The following FRK variants were observed in gnomAD, a reference collection of about 807,000 sequenced individuals.
FRK encodes the protein fyn related Src family tyrosine kinase.
Under a neutral mutation model 56.4 loss-of-function variants are expected in FRK, and 51 were observed. That is an observed-to-expected ratio of 0.90 (90% confidence interval 0.72 to 1.14). The LOEUF (loss-of-function observed/expected upper bound fraction) is 1.14, where lower values mean the gene tolerates loss of function less well. Among genes scored for constraint, FRK ranks in the 50% most tolerant of loss-of-function variants. FRK has a pLI of 0.00. For missense variants in FRK, 570 were observed against 601.4 expected, an observed-to-expected ratio of 0.95 and a Z score of 0.55; for synonymous variants, 245 against 217.9, an observed-to-expected ratio of 1.12 and a Z score of -1.10.
At chr6:116,053,691 C>G (rs112614384) in intron 1 of FRK, among the ~76,000 whole-genome samples, 1 of 152,094 alleles carries the variant, frequency 6.6e-6, no homozygotes, top group Non-Finnish European at 1.5e-5. Context: ...ATTTCACTCA[C>G]ATAAGATTTT....
chr6:116,019,370 G>A (rs1428345698), intron 1 of FRK, among the ~76,000 whole-genome samples: 3 of 152,102 alleles, frequency 2.0e-5, no homozygotes, highest in Admixed American at 1.3e-4. Flanking sequence ...ATTTCAAAAC[G>A]TAGGACAAGA....
intron 1 of FRK, among the ~76,000 whole-genome samples, chr6:116,033,792 T>G (rs1202568268): frequency 6.6e-6 from 1 of 152,132 alleles, no homozygotes; most frequent in Non-Finnish European, 1.5e-5. Flanking sequence ...GGGGTCACTC[T>G]GCCTGCTGGG....
rs137855130 is a variant in FRK at position 115,999,417 on chromosome 6, A to G, written c.466+4460T>C. ...CTCTTTTCAGATCTACTCAGACCTC[A>G]CAAGAGCAGACAGCCGTGCAGGGAT... is the stretch of plus-strand genomic sequence containing the variant. On this transcript the variant is annotated intron_variant, in intron 2 of 7. Transcript: ENST00000606080. Among the ~76,000 whole-genome samples the G allele has an allele frequency of 4.2e-4, 64 of 152,284 alleles. No individual in the cohort carries two copies. In the East Asian group the frequency reaches 0.011, roughly 27 times the overall value.
chr6:115,940,400 A>G lies in FRK; in HGVS notation c.*2014T>C, dbSNP rs1772134718. On this transcript the variant is annotated 3_prime_UTR_variant, in exon 8 of 8. Transcript: ENST00000606080. ...CCTAGAAGAAAACCTAGGCAACACCATTCAGGACATAGGCATTGGAAAAGA... is the reference window on the plus strand; with the variant it reads ...CCTAGAAGAAAACCTAGGCAACACCGTTCAGGACATAGGCATTGGAAAAGA... 1 of 152,252 alleles carries G rather than the reference A, an allele frequency of 6.6e-6. No individual in the cohort carries two copies. The highest frequency in any genetic ancestry group is 1.5e-5 in the Non-Finnish European group (1 of 68,044). 9.4% of individuals were successfully genotyped at this position (152,252 alleles called of 1,614,324 possible).
Position 115,941,447 on chromosome 6 carries a change from C to T in FRK, c.*967G>A, listed in dbSNP as rs924319730. On this transcript the variant is annotated 3_prime_UTR_variant, in exon 8 of 8. Coordinates refer to ENST00000606080, the MANE Select transcript of FRK (RefSeq NM_002031.3). ...CCATGGCACTTGTACACCTATGTAA[C>T]AAAACTGCACATTCTGCACATGCAC... The T allele has an allele frequency of 6.6e-5, 10 of 152,150 alleles. No individual in the cohort carries two copies. The highest frequency in any genetic ancestry group is 2.2e-4 in the African/African-American group (9 of 41,498). 9.4% of individuals were successfully genotyped at this position (152,150 alleles called of 1,614,324 possible).
In FRK at chr6:115,968,664, CT is replaced by C. The variant is rs771323653; in HGVS notation, c.541del (p.Arg181GlufsTer6). Reference protein sequence around the residue: ...DEGGFFLTRRRIFSTLNEFVS... With the variant: ...DEGGFFLTRRXIFSTLNEFVS... ...AAATTCGTTCAGTGTTGAAAAGATT[CT>C]TCTTCGCGTGAGAAAAAATCCCCCT... On this transcript the variant is annotated frameshift_variant, in exon 3 of 8. Transcript: ENST00000606080. LOFTEE classifies it high-confidence loss of function. 10 of 1,613,682 alleles carry C rather than the reference CT, an allele frequency of 6.2e-6. No individual in the cohort carries two copies. The highest frequency in any genetic ancestry group is 8.5e-6 in the Non-Finnish European group (10 of 1,179,828).
chr6:116,074,495 G>C, the FRK span, among the ~76,000 whole-genome samples: 1 of 151,918 alleles, frequency 6.6e-6, no homozygotes, highest in South Asian at 2.1e-4. Context: ...GATATACATG[G>C]GGCAAAATTA....
chr6:116,091,652 T>C, the FRK span, among the ~76,000 whole-genome samples: 1 of 152,276 alleles, frequency 6.6e-6, no homozygotes. Context: ...TATTTTTCCT[T>C]AGAATTCGGG....
chr6:115,999,403 T>C (rs1774964717), intron 2 of FRK, among the ~76,000 whole-genome samples: 1 of 152,194 alleles, frequency 6.6e-6, no homozygotes, highest in Admixed American at 6.5e-5. Context: ...TCTTTTCAGA[T>C]CTACTCAGAC....
the FRK span, among the ~76,000 whole-genome samples, chr6:116,098,790 CAATT>C: frequency 1.3e-5 from 2 of 152,016 alleles, no homozygotes; most frequent in Non-Finnish European, 2.9e-5. Flanking sequence ...CCTTATGAAA[CAATT>C]AAACTGAGTG....
intron 2 of FRK, among the ~76,000 whole-genome samples, chr6:115,996,479 T>C (rs1462271330): frequency 6.6e-6 from 1 of 152,114 alleles, no homozygotes; most frequent in African/African-American, 2.4e-5. Context: ...TATGTCCTTC[T>C]GATTGTGTTT....
At chr6:116,021,545 G>A (rs1407992740) in intron 1 of FRK, among the ~76,000 whole-genome samples, 1 of 152,098 alleles carries the variant, frequency 6.6e-6, no homozygotes, top group Non-Finnish European at 1.5e-5. Flanking sequence ...GACTTGACAA[G>A]CAGAGAACAA....
Position 115,933,689 on chromosome 6 carries a change from T to C in FRK, c.*8725A>G, listed in dbSNP as rs1266732261. 7 of 152,228 alleles carry C rather than the reference T, an allele frequency of 4.6e-5. No homozygotes were observed. Among genetic ancestry groups the C allele is most frequent in the African/African-American group, 1.7e-4 (7 of 41,458 alleles). 9.4% of individuals were successfully genotyped at this position (152,228 alleles called of 1,614,324 possible). On this transcript the variant is annotated 3_prime_UTR_variant, in exon 8 of 8. Transcript: ENST00000606080. ...ATTTGCATATTGAAATGGGAATATT[T>C]CTATTCATTTCTATATGTGCGCAAG...
At chr6:116,032,253 A>C (rs965025635) in intron 1 of FRK, among the ~76,000 whole-genome samples, 1 of 152,134 alleles carries the variant, frequency 6.6e-6, no homozygotes, top group Non-Finnish European at 1.5e-5. Context: ...TTGTGTAGCA[A>C]AAAAACATAA....
the FRK span, among the ~76,000 whole-genome samples, chr6:116,066,431 ATATGTGTGTGTGTGTGTG>A: frequency 2.0e-5 from 3 of 151,694 alleles, no homozygotes; most frequent in Non-Finnish European, 4.4e-5. Context: ...TTATATATAT[ATATGTGTGTGTGTGTGTG>A]TATGTGTGTG....
chr6:116,066,925 T>G, the FRK span, among the ~76,000 whole-genome samples: 3 of 152,184 alleles, frequency 2.0e-5, no homozygotes, highest in Non-Finnish European at 4.4e-5. Flanking sequence ...GCATGTCTCA[T>G]GGGTTGAATT....
intron 1 of FRK, among the ~76,000 whole-genome samples, chr6:116,041,117 A>G (rs561068945): frequency 1.6e-4 from 24 of 152,262 alleles, no homozygotes; most frequent in African/African-American, 5.5e-4. Flanking sequence ...TTCCTCAACT[A>G]TCGCTTCCCT....
chr6:116,100,557 C>T, the FRK span, among the ~76,000 whole-genome samples: 1 of 152,146 alleles, frequency 6.6e-6, no homozygotes, highest in Non-Finnish European at 1.5e-5. Context: ...TTTGTGGTAG[C>T]CCTCGGGAAA....
intron 1 of FRK, among the ~76,000 whole-genome samples, chr6:116,024,888 T>C (rs1776027303): frequency 6.6e-6 from 1 of 152,170 alleles, no homozygotes; most frequent in South Asian, 2.1e-4. Flanking sequence ...ACCAACAGTA[T>C]AAAAGTGTTC....
Sources: gnomAD v4.1 joint callset for allele counts (sites outside exome capture counted in the v4.1 genomes callset) on GRCh38, gnomAD v4.1.1 for gene constraint, MANE v1.5 for transcripts, NCBI Gene and HGNC (gene_info 2026-07-23, HGNC 2026-07-21) for gene names.